The following THSD7B variants were observed in gnomAD, a reference collection of about 807,000 sequenced individuals.
THSD7B encodes the protein thrombospondin type 1 domain containing 7B.
THSD7B carries 138 observed loss-of-function variants against 213.6 expected under a neutral mutation model. The observed-to-expected ratio is 0.65, with a 90% CI of 0.56 to 0.74. The LOEUF (loss-of-function observed/expected upper bound fraction) is 0.74. Ranked by LOEUF, THSD7B falls within the 30% of genes least tolerant of loss-of-function variation. The pLI is 0.00. For missense variants in THSD7B, 1,931 were observed against 1,991.5 expected (o/e 0.97, Z 0.58); for synonymous variants, 742 against 687.0 (o/e 1.08, Z -1.25).
At position 137,109,963 on chromosome 2, in the gene THSD7B, A is replaced by C. The variant is rs559712125; in HGVS notation, c.1200-5161A>C. ...CCACACTGGCTTCTGTGCTATTTCT[A>C]GATGGTGCTGGGCACTCTGCCTCCC... On this transcript the variant is annotated intron_variant, in intron 4 of 27. Coordinates refer to ENST00000409968, the MANE Select transcript of THSD7B (RefSeq NM_001316349.2). Among the ~76,000 whole-genome samples, 4 of 152,140 alleles carry C rather than the reference A, an allele frequency of 2.6e-5. No individual in the cohort carries two copies. In the South Asian group the frequency reaches 8.3e-4, roughly 32 times the overall value.
At chr2:137,411,896 C>A in intron 14 of THSD7B, 24 bp downstream of exon 14, 1 of 1,612,138 alleles carries the variant, frequency 6.2e-7, no homozygotes. Flanking sequence ...TGGAGAGTAA[C>A]AGATGAGAAC....
chr2:137,366,496 GA>G (rs1685411397), intron 12 of THSD7B, among the ~76,000 whole-genome samples: 1 of 152,060 alleles, frequency 6.6e-6, no homozygotes, highest in Admixed American at 6.6e-5. Context: ...TCAAATAAGA[GA>G]ATATCTGTGG....
intron 1 of THSD7B, among the ~76,000 whole-genome samples, chr2:136,855,581 G>T: frequency 8.2e-6 from 1 of 122,284 alleles, no homozygotes; most frequent in African/African-American, 3.1e-5. Context: ...GCGTGCCACC[G>T]CATCCGGCTA....
At chr2:137,076,002 G>A (rs1361306800) in intron 3 of THSD7B, among the ~76,000 whole-genome samples, 2 of 152,190 alleles carry the variant, frequency 1.3e-5, no homozygotes, top group African/African-American at 4.8e-5. Flanking sequence ...CCCTACTGGG[G>A]GGTGCCTCCC....
intron 15 of THSD7B, among the ~76,000 whole-genome samples, chr2:137,508,329 T>C (rs1679881903): frequency 6.6e-6 from 1 of 151,576 alleles, no homozygotes; most frequent in Admixed American, 6.6e-5. Context: ...ATTCTCAAAC[T>C]CTTGGGCTCA....
chr2:137,027,168 C>T (rs1030675365), intron 2 of THSD7B, among the ~76,000 whole-genome samples: 2 of 152,156 alleles, frequency 1.3e-5, no homozygotes, highest in Admixed American at 1.3e-4. Flanking sequence ...CAAAATCAAG[C>T]CCACACTTCT....
chr2:136,840,275 A>G (rs1682902603), intron 1 of THSD7B, among the ~76,000 whole-genome samples: 1 of 152,276 alleles, frequency 6.6e-6, no homozygotes, highest in Middle Eastern at 3.4e-3. Flanking sequence ...GCTACTCAGG[A>G]GGCTGAGGCA....
intron 12 of THSD7B, among the ~76,000 whole-genome samples, chr2:137,307,231 G>C (rs961874815): frequency 1.3e-5 from 2 of 152,036 alleles, no homozygotes; most frequent in Non-Finnish European, 2.9e-5. Context: ...AGTTCAAGTT[G>C]ACTTTAGGCC....
chr2:137,628,567 A>T (rs1308414908), intron 20 of THSD7B, among the ~76,000 whole-genome samples: 1 of 151,076 alleles, frequency 6.6e-6, no homozygotes, highest in Admixed American at 6.6e-5. Context: ...TATTTGCGTC[A>T]GTGATGTCTT....
At chr2:137,433,938 A>G (rs1272634340) in intron 14 of THSD7B, among the ~76,000 whole-genome samples, 2 of 152,098 alleles carry the variant, frequency 1.3e-5, no homozygotes, top group African/African-American at 4.8e-5. Flanking sequence ...TCCTTTTTAT[A>G]TTCTTAGTTG....
At chr2:137,632,402 A>C (rs1682758397) in intron 20 of THSD7B, among the ~76,000 whole-genome samples, 1 of 152,118 alleles carries the variant, frequency 6.6e-6, no homozygotes, top group African/African-American at 2.4e-5. Context: ...TCTTACAGAG[A>C]GGTAATGTGT....
chr2:137,034,592 A>C (rs1484650920), intron 2 of THSD7B, among the ~76,000 whole-genome samples: 1 of 151,588 alleles, frequency 6.6e-6, no homozygotes. Flanking sequence ...CTTGCCCCCA[A>C]CCCCACCAAC....
intron 15 of THSD7B, among the ~76,000 whole-genome samples, chr2:137,457,917 A>G (rs1292108946): frequency 6.6e-6 from 1 of 152,230 alleles, no homozygotes; most frequent in Non-Finnish European, 1.5e-5. Flanking sequence ...CGATGATACT[A>G]GCCATTTAGT....
intron 5 of THSD7B, among the ~76,000 whole-genome samples, chr2:137,131,331 C>G (rs1371555192): frequency 6.6e-6 from 1 of 151,948 alleles, no homozygotes; most frequent in Admixed American, 6.6e-5. Context: ...TTGTAGGTTG[C>G]CTGCTCACTC....
chr2:137,048,144 T>G (rs943301222), intron 2 of THSD7B, among the ~76,000 whole-genome samples: 2 of 151,548 alleles, frequency 1.3e-5, no homozygotes, highest in Non-Finnish European at 2.9e-5. Context: ...CACTTATGAG[T>G]GAGAACAGTT....
chr2:136,932,741 A>G (rs1314247420), intron 2 of THSD7B, among the ~76,000 whole-genome samples: 1 of 152,166 alleles, frequency 6.6e-6, no homozygotes, highest in East Asian at 1.9e-4. Context: ...TTGCTGTCTC[A>G]GGGGTGGCAG....
intron 1 of THSD7B, among the ~76,000 whole-genome samples, chr2:136,783,662 C>G (rs932241624): frequency 2.6e-5 from 4 of 152,128 alleles, no homozygotes; most frequent in Non-Finnish European, 5.9e-5. Context: ...CCCGCAATCT[C>G]CTGCCAGGCC....
At position 137,322,008 on chromosome 2, in the gene THSD7B, T is replaced by C. The variant is rs140977852; in HGVS notation, c.2500+45982T>C. Among the ~76,000 whole-genome samples, 799 of 152,344 alleles carry C rather than the reference T, an allele frequency of 5.2e-3. 7 individuals carry two copies. Among genetic ancestry groups the C allele is most frequent in the African/African-American group, 0.018 (755 of 41,576 alleles). ...TTTTTAGGCACTCCAAGACTCTGCA[T>C]TGTGGCTGCCTTTGCACTGCCATTA... is the stretch of plus-strand genomic sequence containing the variant. On this transcript the variant is annotated intron_variant, in intron 12 of 27. Coordinates refer to ENST00000409968, the MANE Select transcript of THSD7B (RefSeq NM_001316349.2).
At chr2:137,310,055 A>G (rs1683856326) in intron 12 of THSD7B, among the ~76,000 whole-genome samples, 1 of 151,016 alleles carries the variant, frequency 6.6e-6, no homozygotes. Flanking sequence ...TGGTATTTCT[A>G]GTTCTAGATC....
Sources: gnomAD v4.1 joint callset for allele counts (sites outside exome capture counted in the v4.1 genomes callset) on GRCh38, gnomAD v4.1.1 for gene constraint, MANE v1.5 for transcripts, NCBI Gene and HGNC (gene_info 2026-07-23, HGNC 2026-07-21) for gene names.